PLPPR1: variants seen among roughly 807,000 people sequenced by gnomAD.
PLPPR1 encodes the protein phospholipid phosphatase-related protein type 1.
PLPPR1 carries 10 observed loss-of-function variants against 33.1 expected under a neutral mutation model. The observed-to-expected ratio is 0.30, with a 90% CI of 0.19 to 0.51. PLPPR1 has a LOEUF of 0.51. Among genes scored for constraint, PLPPR1 ranks in the 20% least tolerant of loss-of-function variants. The pLI is 0.97. For missense variants in PLPPR1, 304 were observed against 408.1 expected (o/e 0.74, Z 2.20); for synonymous variants, 151 against 151.0 (o/e 1.00, Z 0.00).
In PLPPR1 at chr9:101,121,875, G is replaced by A. The variant is rs577350599; in HGVS notation, c.-45-63575G>A. On this transcript the variant is annotated intron_variant, in intron 1 of 7. Transcript: ENST00000374874. ...CTACTCTTCTTTAGATATAGGATAT[G>A]CACTAGGGAAGCTGTTTGAAGACTG... Among the ~76,000 whole-genome samples the A allele has an allele frequency of 4.8e-4, 73 of 152,274 alleles. No homozygotes were observed. The Middle Eastern group carries it at 0.01, about 21-fold the overall frequency.
chr9:101,203,364 G>A (rs183080106), intron 2 of PLPPR1, among the ~76,000 whole-genome samples: 1 of 152,104 alleles, frequency 6.6e-6, no homozygotes, highest in Non-Finnish European at 1.5e-5. Context: ...CTTAGGGGGG[G>A]AAAAAGACTT....
In PLPPR1 at chr9:101,046,036, A is replaced by G. The variant is rs139163196; in HGVS notation, c.-46+16934A>G. Among the ~76,000 whole-genome samples the G allele has an allele frequency of 3.5e-4, 53 of 152,332 alleles. 1 individual carries two copies. Among genetic ancestry groups the G allele is most frequent in the African/African-American group, 1.3e-3 (52 of 41,578 alleles). On this transcript the variant is annotated intron_variant, in intron 1 of 7. Transcript: ENST00000374874. The stretch of plus-strand genomic sequence containing the variant: ...TCCAAAATTACAGAAATTTATATTA[A>G]CTAACCAACACTGGTTTACTCCACA...
At chr9:101,313,563 A>G (rs117384489) in intron 6 of PLPPR1, among the ~76,000 whole-genome samples, 3,100 of 152,178 alleles carry the variant, frequency 0.02, 43 homozygotes, top group Middle Eastern at 0.068. Context: ...CTTCTCAACC[A>G]CCTATCTTCC....
At chr9:101,158,978 T>C (rs1831737605) in intron 1 of PLPPR1, among the ~76,000 whole-genome samples, 1 of 152,178 alleles carries the variant, frequency 6.6e-6, no homozygotes, top group Non-Finnish European at 1.5e-5. Context: ...TGTAATAATT[T>C]TGTGTGTGCT....
In PLPPR1 at chr9:101,153,794, A is replaced by G. The variant is rs9696634; in HGVS notation, c.-45-31656A>G. On this transcript the variant is annotated intron_variant, in intron 1 of 7. Transcript: ENST00000374874. ...GAGACGGGGTTTCACCGTGTTAGCC[A>G]GGATGGTCTTGATCTCCTGACCTCG... 6.7e-3 allele frequency among the ~76,000 whole-genome samples: 1,004 copies of G among 150,832 alleles called. 11 individuals carry two copies. Among genetic ancestry groups the G allele is most frequent in the African/African-American group, 0.024 (974 of 41,108 alleles).
At chr9:101,235,754 T>TA (rs1158240396) in intron 2 of PLPPR1, among the ~76,000 whole-genome samples, 1 of 151,772 alleles carries the variant, frequency 6.6e-6, no homozygotes, top group Admixed American at 6.6e-5. Context: ...ACCTCTCACT[T>TA]ACAGGCACAG....
chr9:101,029,507 C>T (rs1293105865), intron 1 of PLPPR1, among the ~76,000 whole-genome samples: 1 of 152,168 alleles, frequency 6.6e-6, no homozygotes, highest in Admixed American at 6.5e-5. Context: ...GATGCCAAGT[C>T]CTCCCACCCG....
At chr9:101,084,206 C>T (rs79402928) in intron 1 of PLPPR1, among the ~76,000 whole-genome samples, 320 of 152,238 alleles carry the variant, frequency 2.1e-3, no homozygotes, top group Non-Finnish European at 3.5e-3. Flanking sequence ...GCTTTTGAGA[C>T]CTGCTTGGAC....
At chr9:101,302,676 G>A (rs1828776006) in intron 4 of PLPPR1, among the ~76,000 whole-genome samples, 3 of 152,164 alleles carry the variant, frequency 2.0e-5, no homozygotes, top group African/African-American at 7.2e-5. Context: ...TTACAGTGTT[G>A]AAATGGCACT....
chr9:101,226,836 A>G (rs1024121946), intron 2 of PLPPR1, among the ~76,000 whole-genome samples: 1 of 152,074 alleles, frequency 6.6e-6, no homozygotes, highest in African/African-American at 2.4e-5. Flanking sequence ...CTTGAGGGCC[A>G]GAAGGGAGAA....
At chr9:101,221,846 T>C (rs1345635771) in intron 2 of PLPPR1, among the ~76,000 whole-genome samples, 1 of 152,224 alleles carries the variant, frequency 6.6e-6, no homozygotes, top group Non-Finnish European at 1.5e-5. Flanking sequence ...TCAAGAAATA[T>C]GCTCAACACT....
At chr9:101,271,947 T>G (rs1300340613) in intron 3 of PLPPR1, among the ~76,000 whole-genome samples, 2 of 152,142 alleles carry the variant, frequency 1.3e-5, no homozygotes, top group Non-Finnish European at 1.5e-5. Context: ...TGGCAGAAAG[T>G]TAGTCAGAAA....
chr9:101,269,668 C>T, intron 2 of PLPPR1: 2 of 595,440 alleles, frequency 3.4e-6, no homozygotes, highest in Non-Finnish European at 6.0e-6. Flanking sequence ...ATGGGAGCTG[C>T]TCATTATTTG....
At chr9:101,132,846 G>T (rs1188274418) in intron 1 of PLPPR1, among the ~76,000 whole-genome samples, 2 of 152,152 alleles carry the variant, frequency 1.3e-5, no homozygotes, top group African/African-American at 2.4e-5. Flanking sequence ...AATAATAAAA[G>T]AATGCATTAG....
intron 3 of PLPPR1, among the ~76,000 whole-genome samples, chr9:101,276,105 T>C (rs1828186810): frequency 6.6e-6 from 1 of 152,136 alleles, no homozygotes; most frequent in Non-Finnish European, 1.5e-5. Context: ...CATTGTAGGG[T>C]CTTGTACTTC....
chr9:101,202,219 T>C (rs1826507860), intron 2 of PLPPR1, among the ~76,000 whole-genome samples: 1 of 152,228 alleles, frequency 6.6e-6, no homozygotes, highest in Non-Finnish European at 1.5e-5. Context: ...CTTGGTTGGT[T>C]GTTTAATGTG....
intron 1 of PLPPR1, among the ~76,000 whole-genome samples, chr9:101,127,383 A>G (rs887027887): frequency 6.6e-6 from 1 of 152,206 alleles, no homozygotes; most frequent in African/African-American, 2.4e-5. Context: ...CCAGGGGGCC[A>G]TTGTGATTGC....
intron 1 of PLPPR1, among the ~76,000 whole-genome samples, chr9:101,180,273 C>G (rs1286653671): frequency 6.7e-6 from 1 of 149,150 alleles, no homozygotes; most frequent in Non-Finnish European, 1.5e-5. Flanking sequence ...TCTGGAAAAC[C>G]CTGATTAATA....
At chr9:101,123,946 C>G (rs1831209986) in intron 1 of PLPPR1, among the ~76,000 whole-genome samples, 1 of 152,152 alleles carries the variant, frequency 6.6e-6, no homozygotes, top group Non-Finnish European at 1.5e-5. Flanking sequence ...TTCCAAGACT[C>G]TTTTACATTA....
Sources: allele counts gnomAD v4.1 joint callset (sites outside exome capture counted in the v4.1 genomes callset), GRCh38; gene constraint gnomAD v4.1.1; transcripts MANE v1.5; gene names NCBI Gene and HGNC (gene_info 2026-07-23, HGNC 2026-07-21).